Variants in SYNRG observed in about 807,000 individuals in gnomAD.
The protein encoded by SYNRG is synergin gamma.
In SYNRG, 37 loss-of-function variants were observed where a neutral mutation model predicts 130.9. The observed-to-expected ratio is 0.28, with a 90% CI of 0.22 to 0.37. The LOEUF is 0.37. Among genes scored for constraint, SYNRG ranks in the 10% least tolerant of loss-of-function variants. The pLI, the probability that SYNRG is intolerant of heterozygous loss-of-function variation, is 1.00. For synonymous variants in SYNRG, 539 were observed against 568.1 expected, an observed-to-expected ratio of 0.95 and a Z score of 0.73; for missense variants, 1,338 against 1,588.9, an observed-to-expected ratio of 0.84 and a Z score of 2.68.
At position 37,609,381 on chromosome 17, in the gene SYNRG, C is replaced by A. The variant is rs765988419; in HGVS notation, c.-26G>T. ...CTTGCTCCCGACCTGCCGCTGCCTT[C>A]GCCGCCGCCACCTTATCAGCAGCTG... On this transcript the variant is annotated 5_prime_UTR_variant, in exon 1 of 22. Coordinates refer to ENST00000612223, the MANE Select transcript of SYNRG (RefSeq NM_007247.6). 1.2e-5 allele frequency: 17 copies of A among 1,405,840 alleles called. No homozygotes were observed. The highest frequency in any genetic ancestry group is 1.3e-5 in the Non-Finnish European group (14 of 1,084,138). The allele number at this position is 1,405,840 out of a possible 1,614,324, so 87.1% of individuals were successfully genotyped here.
chr17:37,520,478 G>T, intron 20 of SYNRG, 60 bp downstream of exon 20: 1 of 1,504,736 alleles, frequency 6.6e-7, no homozygotes, highest in African/African-American at 1.4e-5. Flanking sequence ...GCCAGATGAG[G>T]TTGTCCAGAG....
intron 15 of SYNRG, 85 bp from the exon 16 acceptor site, chr17:37,540,628 T>TTA: frequency 6.3e-5 from 73 of 1,157,018 alleles, no homozygotes; most frequent in Non-Finnish European, 7.1e-5. Context: ...CACAACCCTC[T>TTA]TCTTTTTTTT....
At chr17:37,555,457 ATTC>A (rs1350620325) in intron 13 of SYNRG, among the ~76,000 whole-genome samples, 6 of 152,140 alleles carry the variant, frequency 3.9e-5, no homozygotes, top group African/African-American at 1.4e-4. Context: ...AGGTTTCTAT[ATTC>A]TTTATTATCA....
chr17:37,565,134 C>T (rs573912898), intron 11 of SYNRG, among the ~76,000 whole-genome samples: 9 of 152,130 alleles, frequency 5.9e-5, no homozygotes, highest in Admixed American at 2.0e-4. Flanking sequence ...TGTAGTGGCG[C>T]GTGCCTGTAG....
At chr17:37,592,662 G>A (rs1361514004) in intron 3 of SYNRG, among the ~76,000 whole-genome samples, 2 of 152,116 alleles carry the variant, frequency 1.3e-5, no homozygotes, top group East Asian at 1.9e-4. Flanking sequence ...AGCGACAAAC[G>A]CCAAACCCAA....
intron 1 of SYNRG, 61 bp downstream of exon 1, chr17:37,609,218 C>A (rs2064164288): frequency 2.2e-6 from 3 of 1,377,532 alleles, no homozygotes; most frequent in South Asian, 3.2e-5. Context: ...CCATAACTGC[C>A]AAGCGCCCCT....
At chr17:37,556,884 C>G (rs565151748) in intron 13 of SYNRG, among the ~76,000 whole-genome samples, 2 of 151,912 alleles carry the variant, frequency 1.3e-5, no homozygotes, top group African/African-American at 4.8e-5. Flanking sequence ...TTTGAAATAT[C>G]TGTGAAATTG....
chr17:37,571,654 AT>A lies in SYNRG; in HGVS notation c.1098+136del, dbSNP rs2060443192. 10 of 762,004 alleles carry A rather than the reference AT, an allele frequency of 1.3e-5. No homozygotes were observed. The Admixed American group carries it at 3.1e-4, about 24-fold the overall frequency. The allele number at this position is 762,004 out of a possible 1,614,324, so 47.2% of individuals were successfully genotyped here. ...ATTATGCACATCTTATAAACTCTAC[AT>A]TTTTGAAGTACTATATCCTGAAAAT... On this transcript the variant is annotated intron_variant, in intron 9 of 21. Coordinates refer to ENST00000612223, the MANE Select transcript of SYNRG (RefSeq NM_007247.6).
chr17:37,567,829 C>T (rs1004184443), intron 11 of SYNRG: 16 of 152,106 alleles, frequency 1.1e-4, no homozygotes, highest in Admixed American at 4.6e-4. Flanking sequence ...ATAACAAATT[C>T]GAAAAATAAA....
intron 14 of SYNRG, among the ~76,000 whole-genome samples, chr17:37,549,066 CAG>C (rs1471083089): frequency 6.9e-6 from 1 of 144,362 alleles, no homozygotes; most frequent in Non-Finnish European, 1.5e-5. Flanking sequence ...ACCTGGGAGA[CAG>C]AGGTTGCAGT....
chr17:37,589,148 T>C (rs1430907902), intron 3 of SYNRG, among the ~76,000 whole-genome samples: 5 of 152,172 alleles, frequency 3.3e-5, no homozygotes, highest in African/African-American at 1.2e-4. Flanking sequence ...AGTATGACAG[T>C]TAAGACTAAA....
In SYNRG at chr17:37,553,260, G is replaced by A; in HGVS notation, c.2463C>T (p.Ser821=). ...KSLDLPSIGG[S]SVGKEDSEDA... is the part of the protein sequence containing the mutation. ...CTTCAGAGTCCTCCTTGCCAACACT[G>A]CTGCCACCAATGGAAGGGAGATCTA... The change falls in exon 14 of 22, where the codon AGC becomes AGT. Residue 821 remains serine, a synonymous_variant. Transcript: ENST00000612223. 2 of 1,613,896 alleles carry A rather than the reference G, an allele frequency of 1.2e-6. No individual in the cohort carries two copies. Among genetic ancestry groups the A allele is most frequent in the Non-Finnish European group, 1.7e-6 (2 of 1,179,964 alleles).
chr17:37,521,033 CTTTTTTTT>C (rs66478744), intron 19 of SYNRG, among the ~76,000 whole-genome samples: 4 of 126,370 alleles, frequency 3.2e-5, no homozygotes, highest in Non-Finnish European at 6.6e-5. Flanking sequence ...TTTTTCTTTT[CTTTTTTTT>C]TTTTTTTTGG....
chr17:37,569,245 A>T, intron 10 of SYNRG, among the ~76,000 whole-genome samples: 1 of 152,196 alleles, frequency 6.6e-6, no homozygotes. Flanking sequence ...CGCCATCTCC[A>T]CTAAAAATAC....
intron 6 of SYNRG, among the ~76,000 whole-genome samples, chr17:37,580,510 T>TGTGTGTGTCTGTGA (rs1384344164): frequency 7.8e-6 from 1 of 127,660 alleles, no homozygotes; most frequent in African/African-American, 3.6e-5. Context: ...TGTGTGTGTG[T>TGTGTGTGTCTGTGA]GAGAGAGAGA....
intron 8 of SYNRG, among the ~76,000 whole-genome samples, chr17:37,574,340 T>C (rs534057954): frequency 2.9e-3 from 442 of 152,292 alleles, no homozygotes; most frequent in African/African-American, 9.9e-3. Flanking sequence ...AGGACATTCG[T>C]CTGGGCAAAG....
chr17:37,588,703 T>C (rs1385318654), intron 3 of SYNRG, among the ~76,000 whole-genome samples: 3 of 152,182 alleles, frequency 2.0e-5, no homozygotes, highest in Non-Finnish European at 4.4e-5. Flanking sequence ...TATTGATCTC[T>C]TGCTGCTAAA....
rs1443974295 is a variant in SYNRG at position 37,584,668 on chromosome 17, G to A, written c.569C>T (p.Ala190Val). The A allele has an allele frequency of 1.2e-6, 2 of 1,613,606 alleles. No individual in the cohort carries two copies. Among genetic ancestry groups the A allele is most frequent in the African/African-American group, 2.7e-5 (2 of 74,914 alleles). The change falls in exon 6 of 22, where the codon GCA becomes GTA. Residue 190 changes from alanine (A) to valine (V), a missense_variant. Physicochemically the swap from Ala to Val is moderately conservative, Grantham distance 64. Coordinates refer to ENST00000612223, the MANE Select transcript of SYNRG (RefSeq NM_007247.6). ...ACTACCTGGTTTCTTGGGGTGCGAT[G>A]CTGGAGTAGGGTGCATTTTTGCATC... ...SRDAKMHPTPASHPKKPGPSL... is the reference protein window; with the variant it reads ...SRDAKMHPTPVSHPKKPGPSL...
chr17:37,565,947 G>A (rs1224567642), intron 11 of SYNRG, among the ~76,000 whole-genome samples: 7 of 150,864 alleles, frequency 4.6e-5, no homozygotes, highest in Middle Eastern at 3.4e-3. Context: ...CAGCCGCCCC[G>A]TCCGGGAGGG....
Sources: allele counts gnomAD v4.1 joint callset (sites outside exome capture counted in the v4.1 genomes callset), GRCh38; gene constraint gnomAD v4.1.1; transcripts MANE v1.5; gene names NCBI Gene and HGNC (gene_info 2026-07-23, HGNC 2026-07-21).